SRGAP1: variants seen among roughly 807,000 people sequenced by gnomAD.
The protein encoded by SRGAP1 is SLIT-ROBO Rho GTPase-activating protein 1.
Under a neutral mutation model 121.9 loss-of-function variants are expected in SRGAP1, and 43 were observed. The ratio of observed to expected loss-of-function variants is 0.35; its 90% CI spans 0.28 to 0.46. SRGAP1 has a LOEUF of 0.46. Among genes scored for constraint, SRGAP1 ranks in the 20% least tolerant of loss-of-function variants. SRGAP1 has a pLI of 1.00. For synonymous variants in SRGAP1, 447 were observed against 485.4 expected, an observed-to-expected ratio of 0.92 and a Z score of 1.04; for missense variants, 1,102 against 1,350.9, an observed-to-expected ratio of 0.82 and a Z score of 2.89.
chr12:64,024,873 T>C (rs1347695153), intron 4 of SRGAP1, among the ~76,000 whole-genome samples: 1 of 152,056 alleles, frequency 6.6e-6, no homozygotes, highest in Non-Finnish European at 1.5e-5. Flanking sequence ...GAGAACAGCA[T>C]GGGGGAAACC....
At chr12:63,978,866 T>C (rs2033167868) in intron 1 of SRGAP1, among the ~76,000 whole-genome samples, 1 of 152,132 alleles carries the variant, frequency 6.6e-6, no homozygotes, top group Admixed American at 6.5e-5. Flanking sequence ...TCCAACACTT[T>C]TTTTAAATCT....
chr12:64,056,047 T>C (rs973774480), intron 6 of SRGAP1, among the ~76,000 whole-genome samples: 2 of 143,336 alleles, frequency 1.4e-5, no homozygotes, highest in African/African-American at 5.0e-5. Context: ...ACTGTCATCA[T>C]CCTCCACACA....
At chr12:63,948,453 T>C (rs2032121402) in intron 1 of SRGAP1, among the ~76,000 whole-genome samples, 1 of 152,192 alleles carries the variant, frequency 6.6e-6, no homozygotes, top group Non-Finnish European at 1.5e-5. Flanking sequence ...CACAGTCCAG[T>C]GTCAGGGACA....
chr12:64,128,100 T>C lies in SRGAP1; in HGVS notation c.2780T>C (p.Leu927Pro), dbSNP rs1317991726. 6.2e-7 allele frequency: 1 copy of C among 1,614,008 alleles called. No individual in the cohort carries two copies. Among genetic ancestry groups the C allele is most frequent in the Admixed American group, 1.7e-5 (1 of 60,010 alleles). ...ACCAACATCAGCCGGCACGACTCCCTCAAGAAGATCGACAGCCCTCCCATT... is the reference window on the plus strand; with the variant it reads ...ACCAACATCAGCCGGCACGACTCCCCCAAGAAGATCGACAGCCCTCCCATT... The part of the protein sequence containing the change: ...SLTNISRHDS[L>P]KKIDSPPIRR... Residue 927 changes from leucine to proline, a missense_variant, in exon 21 of 22, where the codon CTC becomes CCC. Physicochemically the swap from Leu to Pro is moderately conservative, Grantham distance 98. Transcript: ENST00000355086.
chr12:64,033,837 T>G (rs2136491386), intron 4 of SRGAP1, among the ~76,000 whole-genome samples: 1 of 152,210 alleles, frequency 6.6e-6, no homozygotes, highest in African/African-American at 2.4e-5. Flanking sequence ...CTGACCAAGA[T>G]GGTGAAACCC....
At chr12:63,901,210 G>A (rs1182297423) in intron 1 of SRGAP1, among the ~76,000 whole-genome samples, 1 of 152,278 alleles carries the variant, frequency 6.6e-6, no homozygotes, top group South Asian at 2.1e-4. Flanking sequence ...TCCTAATATG[G>A]TTTGTTCTTG....
intron 1 of SRGAP1, among the ~76,000 whole-genome samples, chr12:63,969,047 T>G (rs984183478): frequency 1.3e-5 from 2 of 152,206 alleles, no homozygotes; most frequent in Non-Finnish European, 2.9e-5. Flanking sequence ...TGTGGAAAGC[T>G]TTTGGTCTTC....
chr12:63,902,146 C>A lies in SRGAP1; in HGVS notation c.67+57263C>A, dbSNP rs545659501. Among the ~76,000 whole-genome samples, 13 of 152,232 alleles carry A rather than the reference C, an allele frequency of 8.5e-5. No individual in the cohort carries two copies. The East Asian group carries it at 2.1e-3, about 25-fold the overall frequency. ...CCTGGGCAACATGGTGAAACCCCAT[C>A]GCTATTAAAAAATTTATTTAAAAAC... On this transcript the variant is annotated intron_variant, in intron 1 of 21. Coordinates refer to ENST00000355086, the MANE Select transcript of SRGAP1 (RefSeq NM_020762.4).
At chr12:64,040,285 A>G (rs1317711648) in intron 4 of SRGAP1, among the ~76,000 whole-genome samples, 1 of 152,210 alleles carries the variant, frequency 6.6e-6, no homozygotes, top group Non-Finnish European at 1.5e-5. Context: ...ATCTCTTGAA[A>G]TGAGAAAAAT....
chr12:64,091,772 C>T, intron 12 of SRGAP1: 1 of 752,970 alleles, frequency 1.3e-6, no homozygotes, highest in Non-Finnish European at 2.2e-6. Flanking sequence ...GTTTTGATTT[C>T]CCATGACTTG....
At chr12:64,004,902 G>T (rs1373156112) in intron 3 of SRGAP1, among the ~76,000 whole-genome samples, 1 of 152,036 alleles carries the variant, frequency 6.6e-6, no homozygotes, top group African/African-American at 2.4e-5. Flanking sequence ...CACATGATAG[G>T]GATTCTAAAA....
chr12:64,031,296 C>T (rs867881623), intron 4 of SRGAP1, among the ~76,000 whole-genome samples: 24 of 133,580 alleles, frequency 1.8e-4, no homozygotes, highest in African/African-American at 6.3e-4. Context: ...CCAGCCTGAG[C>T]GACAGAGCAA....
intron 1 of SRGAP1, among the ~76,000 whole-genome samples, chr12:63,977,295 A>G (rs1361581248): frequency 2.0e-5 from 3 of 152,200 alleles, no homozygotes; most frequent in South Asian, 4.1e-4. Flanking sequence ...GTAATAATAC[A>G]TCTTAAGAGA....
chr12:64,150,234 C>T lies in SRGAP1; in HGVS notation c.*7562C>T, dbSNP rs117932682. 1.1e-4 allele frequency: 16 copies of T among 152,224 alleles called. No individual in the cohort carries two copies. In the East Asian group the frequency reaches 3.1e-3, roughly 29 times the overall value. 9.4% of individuals were successfully genotyped at this position (152,224 alleles called of 1,614,324 possible). On this transcript the variant is annotated 3_prime_UTR_variant, in exon 22 of 22. Coordinates refer to ENST00000355086, the MANE Select transcript of SRGAP1 (RefSeq NM_020762.4). ...AACAACATGCCTTGTTCAGTATTAA[C>T]ATCTTGAAGGCAGTTATGGCAGCAT...
At chr12:63,952,827 A>C (rs1231506879) in intron 1 of SRGAP1, among the ~76,000 whole-genome samples, 1 of 152,148 alleles carries the variant, frequency 6.6e-6, no homozygotes, top group Non-Finnish European at 1.5e-5. Flanking sequence ...TTATTTATAA[A>C]TAGAGACAGG....
chr12:64,117,147 G>A lies in SRGAP1; in HGVS notation c.2224+1254G>A, dbSNP rs571785657. ...AGGTTGGTGTTTGGAAAGTTTGCTT[G>A]TGGGTGAGTTGTTTACTATCTCCAG... On this transcript the variant is annotated intron_variant, in intron 18 of 21. Coordinates refer to ENST00000355086, the MANE Select transcript of SRGAP1 (RefSeq NM_020762.4). Among the ~76,000 whole-genome samples the A allele has an allele frequency of 2.6e-5, 4 of 152,290 alleles. No homozygotes were observed. The South Asian group carries it at 8.3e-4, about 32-fold the overall frequency.
chr12:64,071,971 C>T (rs1008030370), intron 8 of SRGAP1, among the ~76,000 whole-genome samples: 6 of 151,832 alleles, frequency 4.0e-5, no homozygotes, highest in African/African-American at 1.5e-4. Flanking sequence ...ATTAGCATTG[C>T]ACCCATGTTA....
At chr12:63,943,010 A>T (rs1431255932) in intron 1 of SRGAP1, among the ~76,000 whole-genome samples, 1 of 152,222 alleles carries the variant, frequency 6.6e-6, no homozygotes, top group Non-Finnish European at 1.5e-5. Context: ...GGTTACTACA[A>T]ATTAATCCCA....
chr12:63,861,973 T>A (rs1361232055), intron 1 of SRGAP1, among the ~76,000 whole-genome samples: 1 of 152,016 alleles, frequency 6.6e-6, no homozygotes, highest in Non-Finnish European at 1.5e-5. Flanking sequence ...ACACAAAAAT[T>A]AGCCAGGTGT....
Sources: allele counts gnomAD v4.1 joint callset (sites outside exome capture counted in the v4.1 genomes callset), GRCh38; gene constraint gnomAD v4.1.1; transcripts MANE v1.5; gene names NCBI Gene and HGNC (gene_info 2026-07-23, HGNC 2026-07-21).